OPRL1: variants seen among roughly 807,000 people sequenced by gnomAD.
OPRL1 encodes the protein nociceptin receptor.
In OPRL1, 5 loss-of-function variants were observed where a neutral mutation model predicts 15.5. The observed-to-expected ratio is 0.32, with a 90% CI of 0.17 to 0.68. The LOEUF is 0.68. OPRL1 is among the 30% of genes least tolerant of loss of function. The probability of loss-of-function intolerance (pLI) is 0.72; values close to 1 mark genes in which losing one functional copy is unlikely to be tolerated. For missense variants in OPRL1, 406 were observed against 515.3 expected, an observed-to-expected ratio of 0.79 and a Z score of 2.05; for synonymous variants, 223 against 230.2, an observed-to-expected ratio of 0.97 and a Z score of 0.28.
rs769147015 is a variant in OPRL1, at chr20:64,092,836, A to G, written c.116A>G (p.Asn39Ser). The stretch of plus-strand genomic sequence containing the variant: ...CTGCTGCCCCCGCATCTGCTGCTCA[A>G]TGCCAGCCACGGCGCCTTCCTGCCC... ...HSLLPPHLLL[N>S]ASHGAFLPLG... is the part of the protein sequence containing the mutation. The change falls in exon 3 of 5, where the codon AAT (asparagine) becomes AGT (serine). Residue 39 changes from asparagine (N) to serine (S), a missense_variant. Physicochemically the swap from Asn to Ser is conservative, Grantham distance 46. Transcript: ENST00000336866. 11 of 1,612,572 alleles carry G rather than the reference A, an allele frequency of 6.8e-6. No individual in the cohort carries two copies. The highest frequency in any genetic ancestry group is 1.1e-5 in the South Asian group (1 of 91,088).
chr20:64,095,896 G>C (rs1209499024), intron 3 of OPRL1, among the ~76,000 whole-genome samples: 3 of 152,024 alleles, frequency 2.0e-5, no homozygotes, highest in African/African-American at 7.3e-5. Flanking sequence ...TTCCCATCTG[G>C]AAAGTGAGCA....
In OPRL1 at chr20:64,089,454, C is replaced by T. The variant is rs556726505; in HGVS notation, c.-184-2512C>T. 1.3e-5 allele frequency among the ~76,000 whole-genome samples: 2 copies of T among 152,152 alleles called. No individual in the cohort carries two copies. The highest frequency in any genetic ancestry group is 6.5e-5 in the Admixed American group (1 of 15,282). On this transcript the variant is annotated intron_variant, in intron 1 of 4. Coordinates refer to ENST00000336866, the MANE Select transcript of OPRL1 (RefSeq NM_182647.4). This position sits in a 1 kb window ranked among gnomAD's most constrained non-coding sequence, Gnocchi z 5.5. ...GGGGTCAGGGAGCTAGGTCTGACCT[C>T]GTCCCCCCTCCTTTCTTCCTGTCCT... is the stretch of plus-strand genomic sequence containing the variant.
At chr20:64,086,793 C>T (rs1192078016) in intron 1 of OPRL1, among the ~76,000 whole-genome samples, 1 of 152,100 alleles carries the variant, frequency 6.6e-6, no homozygotes, top group Non-Finnish European at 1.5e-5. Flanking sequence ...GACTGGCTTC[C>T]CTGGGGGATG....
In OPRL1 at chr20:64,100,535, A is replaced by C. The variant is rs1979702591; in HGVS notation, c.*1736A>C. 6.6e-6 allele frequency: 1 copy of C among 152,208 alleles called. No individual in the cohort carries two copies. 9.4% of individuals were successfully genotyped at this position (152,208 alleles called of 1,614,324 possible). The stretch of plus-strand genomic sequence containing the variant: ...AATGTGCACCTTCACGTATTTATGC[A>C]TGTGGCAAGCGTTACTTCCTGTGCA... On this transcript the variant is annotated 3_prime_UTR_variant, in exon 5 of 5. Coordinates refer to ENST00000336866, the MANE Select transcript of OPRL1 (RefSeq NM_182647.4).
In OPRL1 at chr20:64,090,226, C is replaced by A. The variant is rs184799576; in HGVS notation, c.-184-1740C>A. On this transcript the variant is annotated intron_variant, in intron 1 of 4. Coordinates refer to ENST00000336866, the MANE Select transcript of OPRL1 (RefSeq NM_182647.4). The surrounding 1 kb of genome is among the most constrained non-coding windows in gnomAD (Gnocchi z 4.9). Reference sequence around the variant, plus strand: ...ATGTCTCTGTGTGTTCACCCGTATGCCTGTCTGGGCATCTGTGTGTGTGTT... The same window carrying A: ...ATGTCTCTGTGTGTTCACCCGTATGACTGTCTGGGCATCTGTGTGTGTGTT... Among the ~76,000 whole-genome samples, 11 of 152,304 alleles carry A rather than the reference C, an allele frequency of 7.2e-5. No individual in the cohort carries two copies. In the East Asian group the frequency reaches 2.1e-3, roughly 29 times the overall value.
intron 4 of OPRL1, 34 bp from the exon 5 acceptor site, chr20:64,098,242 T>G: frequency 6.2e-7 from 1 of 1,604,520 alleles, no homozygotes; most frequent in Non-Finnish European, 8.5e-7. Context: ...CCACGTCTCC[T>G]GGGCCCACTC....
intron 1 of OPRL1, among the ~76,000 whole-genome samples, chr20:64,081,823 G>A (rs1344963615): frequency 6.6e-6 from 1 of 152,170 alleles, no homozygotes; most frequent in Admixed American, 6.5e-5. Context: ...GTGCCGGCCT[G>A]ACCCTGGTGC....
At position 64,098,790 on chromosome 20, in the gene OPRL1, G is replaced by GC. The variant is rs768432394; in HGVS notation, c.1107dup (p.Ala370ArgfsTer61). 6.3e-7 allele frequency: 1 copy of GC among 1,594,182 alleles called. No homozygotes were observed. Among genetic ancestry groups the GC allele is most frequent in the East Asian group, 2.2e-5 (1 of 44,814 alleles). ...GCAAGACCTCTGAGACGGTACCGCG[G>GC]CCCGCATGACTAGGCGTGGACCTGC... On this transcript the variant is annotated frameshift_variant, in exon 5 of 5. Coordinates refer to ENST00000336866, the MANE Select transcript of OPRL1 (RefSeq NM_182647.4). LOFTEE classifies it high-confidence loss of function.
rs555764425 is a variant in OPRL1, at chr20:64,091,353, C to T, written c.-184-613C>T. 4.6e-5 allele frequency among the ~76,000 whole-genome samples: 7 copies of T among 150,638 alleles called. No homozygotes were observed. In the East Asian group the frequency reaches 1.4e-3, roughly 31 times the overall value. ...TGGGGCCCAGCTGTGGCAGAGGTGC[C>T]CTGGGCGTGTCTCCAAGTGACGAAC... On this transcript the variant is annotated intron_variant, in intron 1 of 4. Coordinates refer to ENST00000336866, the MANE Select transcript of OPRL1 (RefSeq NM_182647.4).
rs984835273 is a variant in OPRL1, at chr20:64,099,877, C to A, written c.*1078C>A. 8.5e-5 allele frequency: 13 copies of A among 152,336 alleles called. No individual in the cohort carries two copies. Among genetic ancestry groups the A allele is most frequent in the African/African-American group, 2.9e-4 (12 of 41,454 alleles). 9.4% of individuals were successfully genotyped at this position (152,336 alleles called of 1,614,324 possible). ...TTGAAGCCAGAGGTCAGTGGCCGTG[C>A]TGTGTTGCGGGGGAAGCTGTGTGGA... On this transcript the variant is annotated 3_prime_UTR_variant, in exon 5 of 5. Coordinates refer to ENST00000336866, the MANE Select transcript of OPRL1 (RefSeq NM_182647.4).
chr20:64,088,714 A>AGTGGCCAGGGTCTTTGCAGG (rs2060084079), intron 1 of OPRL1, among the ~76,000 whole-genome samples: 2 of 18,146 alleles, frequency 1.1e-4, no homozygotes, highest in Non-Finnish European at 2.4e-4. Context: ...GTCTGTGCAG[A>AGTGGCCAGGGTCTTTGCAGG]GTGGCCAGGA....
chr20:64,088,704 G>GTGCAGGGAGGCCAGGA (rs2060083718), intron 1 of OPRL1, among the ~76,000 whole-genome samples: 6 of 25,484 alleles, frequency 2.4e-4, no homozygotes, highest in Non-Finnish European at 4.6e-4. Context: ...GGAGGCCAGG[G>GTGCAGGGAGGCCAGGA]TCTGTGCAGA....
chr20:64,096,827 CCAT>C (rs1276928111), intron 3 of OPRL1, among the ~76,000 whole-genome samples: 7 of 39,362 alleles, frequency 1.8e-4, no homozygotes, highest in East Asian at 2.1e-3. Context: ...ACCATCATCA[CCAT>C]CATCATCATG....
At chr20:64,084,100 G>GA (rs763668148) in intron 1 of OPRL1, 1 of 1,477,804 alleles carries the variant, frequency 6.8e-7, no homozygotes, top group South Asian at 1.3e-5. Context: ...AGCCCGGCTT[G>GA]GGGGGCTCTG....
chr20:64,090,661 A>C lies in OPRL1; in HGVS notation c.-184-1305A>C, dbSNP rs2060110640. ...GATCAGGCATGGGACCCCCGTGCTG[A>C]GAAGGAGGCAACTCTGAAGGGGCCA... On this transcript the variant is annotated intron_variant, in intron 1 of 4. Transcript: ENST00000336866. The surrounding 1 kb of genome is among the most constrained non-coding windows in gnomAD (Gnocchi z 4.9). Among the ~76,000 whole-genome samples the C allele has an allele frequency of 6.6e-6, 1 of 152,176 alleles. No individual in the cohort carries two copies. Among genetic ancestry groups the C allele is most frequent in the South Asian group, 2.1e-4 (1 of 4,828 alleles).
rs2059999405 is a variant in OPRL1 at position 64,083,716 on chromosome 20, C to G, written c.-185+3364C>G. 1.2e-5 allele frequency: 16 copies of G among 1,363,240 alleles called. No individual in the cohort carries two copies. The South Asian group carries it at 1.4e-4, about 12-fold the overall frequency. The allele number at this position is 1,363,240 out of a possible 1,614,324, so 84.4% of individuals were successfully genotyped here. A position where few individuals can be genotyped will look rare whatever the true frequency, so the allele number is the denominator to read the frequency against. Reference sequence around the variant, plus strand: ...CGCGATCTCCTCGGCCTGCGGGGCCCGGGTAGCTGAGCGCGCGCCGAGCCC... The same window carrying G: ...CGCGATCTCCTCGGCCTGCGGGGCCGGGGTAGCTGAGCGCGCGCCGAGCCC... On this transcript the variant is annotated intron_variant, in intron 1 of 4. Coordinates refer to ENST00000336866, the MANE Select transcript of OPRL1 (RefSeq NM_182647.4). This position sits in a 1 kb window ranked among gnomAD's most constrained non-coding sequence, Gnocchi z 4.9.
At chr20:64,088,719 C>G (rs1264385493) in intron 1 of OPRL1, among the ~76,000 whole-genome samples, 159 of 36,160 alleles carry the variant, frequency 4.4e-3, no homozygotes, top group East Asian at 4.5e-3. Flanking sequence ...TGCAGAGTGG[C>G]CAGGATCTGT....
Position 64,083,810 on chromosome 20 carries a change from C to A in OPRL1, c.-185+3458C>A. ...CGCCCCCTCTGCCCTCCGACCCCCT[C>A]GCCTCACCCGCATGCGGGTGTAGCG... On this transcript the variant is annotated intron_variant, in intron 1 of 4. Transcript: ENST00000336866. The surrounding 1 kb of genome is among the most constrained non-coding windows in gnomAD (Gnocchi z 4.9). 7.4e-7 allele frequency: 1 copy of A among 1,352,692 alleles called. No individual in the cohort carries two copies. The highest frequency in any genetic ancestry group is 2.7e-4 in the Middle Eastern group (1 of 3,702). 83.8% of individuals were successfully genotyped at this position (1,352,692 alleles called of 1,614,324 possible).
chr20:64,084,480 T>C, intron 1 of OPRL1: 1 of 886,380 alleles, frequency 1.1e-6, no homozygotes, highest in Non-Finnish European at 1.5e-6. Flanking sequence ...ATCAACTCAG[T>C]TGTAGGAAAT....
Sources: allele counts gnomAD v4.1 joint callset (sites outside exome capture counted in the v4.1 genomes callset), GRCh38; gene constraint gnomAD v4.1.1; non-coding constraint Gnocchi (gnomAD v3.1); transcripts MANE v1.5; gene names NCBI Gene and HGNC (gene_info 2026-07-23, HGNC 2026-07-21).